The following SGCZ variants were observed in gnomAD, a reference collection of about 807,000 sequenced individuals.
The protein encoded by SGCZ is zeta-sarcoglycan.
A neutral mutation model predicts 41.3 loss-of-function variants in SGCZ; 40 were observed. That is an observed-to-expected ratio of 0.97 (90% CI 0.75 to 1.26). The LOEUF (loss-of-function observed/expected upper bound fraction) is 1.26. Ranked by LOEUF, SGCZ falls within the 50% of genes most tolerant of loss-of-function variation. The pLI is 0.00. For missense variants in SGCZ, 552 were observed against 369.8 expected (o/e 1.49, Z -4.04); for synonymous variants, 206 against 137.5 (o/e 1.50, Z -3.49).
At chr8:14,176,099 TAGG>T (rs1417941897) in intron 4 of SGCZ, among the ~76,000 whole-genome samples, 1 of 152,154 alleles carries the variant, frequency 6.6e-6, no homozygotes, top group African/African-American at 2.4e-5. Flanking sequence ...TGAATCTTAA[TAGG>T]AGATTATAAA....
chr8:15,114,248 C>A (rs1428504375), intron 1 of SGCZ, among the ~76,000 whole-genome samples: 1 of 152,140 alleles, frequency 6.6e-6, no homozygotes, highest in Non-Finnish European at 1.5e-5. Context: ...GAACCCTGTC[C>A]TGGATGCCTT....
intron 1 of SGCZ, among the ~76,000 whole-genome samples, chr8:15,143,353 A>G (rs545281565): frequency 1.3e-5 from 2 of 152,326 alleles, no homozygotes; most frequent in East Asian, 1.9e-4. Flanking sequence ...AAGAATAAAG[A>G]TGTTTCTTCT....
intron 1 of SGCZ, among the ~76,000 whole-genome samples, chr8:14,910,754 G>A (rs892671164): frequency 6.6e-6 from 1 of 151,718 alleles, no homozygotes; most frequent in Non-Finnish European, 1.5e-5. Flanking sequence ...TATGAAAATA[G>A]GAAGACAATG....
intron 1 of SGCZ, among the ~76,000 whole-genome samples, chr8:14,566,277 T>A (rs900949321): frequency 6.6e-6 from 1 of 152,212 alleles, no homozygotes; most frequent in Non-Finnish European, 1.5e-5. Flanking sequence ...TAAGCCCGAA[T>A]ATTGATATAA....
At chr8:14,756,625 C>A (rs894259) in intron 1 of SGCZ, among the ~76,000 whole-genome samples, 87,748 of 152,106 alleles carry the variant, frequency 0.58, 25,542 homozygotes, top group East Asian at 0.71. Flanking sequence ...ACATAACAGG[C>A]GTGCTTCTAA....
intron 2 of SGCZ, among the ~76,000 whole-genome samples, chr8:14,344,269 G>C (rs1802814509): frequency 6.6e-6 from 1 of 151,426 alleles, no homozygotes; most frequent in Non-Finnish European, 1.5e-5. Context: ...AAGAATAATG[G>C]ATACTAAATT....
intron 5 of SGCZ, among the ~76,000 whole-genome samples, chr8:14,115,843 C>T (rs556824513): frequency 2.1e-3 from 325 of 151,764 alleles, no homozygotes; most frequent in Middle Eastern, 6.8e-3. Context: ...TATCTTTTTT[C>T]CTTATTTTAT....
intron 4 of SGCZ, among the ~76,000 whole-genome samples, chr8:14,234,128 G>A (rs1381849042): frequency 2.0e-5 from 3 of 151,692 alleles, no homozygotes; most frequent in Non-Finnish European, 4.4e-5. Flanking sequence ...GAAAATATCT[G>A]TCAAATTGAT....
chr8:15,017,306 T>C (rs1359718911), intron 1 of SGCZ, among the ~76,000 whole-genome samples: 1 of 152,148 alleles, frequency 6.6e-6, no homozygotes, highest in Non-Finnish European at 1.5e-5. Flanking sequence ...AGGCAAATAG[T>C]CAACAGAGGG....
At chr8:14,425,608 G>T (rs1054048124) in intron 2 of SGCZ, among the ~76,000 whole-genome samples, 1 of 150,118 alleles carries the variant, frequency 6.7e-6, no homozygotes. Context: ...TTGACAGAGG[G>T]AGAATCCCTC....
chr8:14,365,116 T>C (rs1016063466), intron 2 of SGCZ, among the ~76,000 whole-genome samples: 1 of 152,074 alleles, frequency 6.6e-6, no homozygotes, highest in South Asian at 2.1e-4. Context: ...ACTTTTGTCA[T>C]ATATGTTATT....
At chr8:15,004,240 G>C (rs1802522283) in intron 1 of SGCZ, among the ~76,000 whole-genome samples, 1 of 152,134 alleles carries the variant, frequency 6.6e-6, no homozygotes, top group Non-Finnish European at 1.5e-5. Context: ...ACCAAGTATA[G>C]ATTTGACTGC....
chr8:14,247,970 A>G (rs1437048632), intron 3 of SGCZ, among the ~76,000 whole-genome samples: 1 of 152,260 alleles, frequency 6.6e-6, no homozygotes, highest in Non-Finnish European at 1.5e-5. Flanking sequence ...GACAATCTGC[A>G]GATTTAAAGC....
intron 5 of SGCZ, among the ~76,000 whole-genome samples, chr8:14,108,859 A>G (rs1350305991): frequency 1.3e-5 from 2 of 152,218 alleles, no homozygotes; most frequent in Non-Finnish European, 2.9e-5. Flanking sequence ...CTCTCTTTAA[A>G]GAACAAAAGC....
chr8:14,394,143 CTTTTTTTTTTTTTTT>C (rs75054512), intron 2 of SGCZ, among the ~76,000 whole-genome samples: 8 of 117,402 alleles, frequency 6.8e-5, no homozygotes, highest in Admixed American at 1.0e-4. Context: ...CGCCCCCCAC[CTTTTTTTTTTTTTTT>C]TTTTTTTTTT....
chr8:14,640,965 T>C (rs2117427832), intron 1 of SGCZ, among the ~76,000 whole-genome samples: 1 of 151,840 alleles, frequency 6.6e-6, no homozygotes, highest in African/African-American at 2.4e-5. Context: ...GCTATAAAGT[T>C]AATGTTGGTA....
Position 14,261,637 on chromosome 8 carries a change from T to C in SGCZ, c.337-23958A>G, listed in dbSNP as rs549659769. Among the ~76,000 whole-genome samples the C allele has an allele frequency of 3.9e-5, 6 of 152,298 alleles. No homozygotes were observed. The South Asian group carries it at 1.2e-3, about 32-fold the overall frequency. The stretch of plus-strand genomic sequence containing the variant: ...TGTTTATAGTTATTCTTAAATTTAC[T>C]TGTCAATAATTTGACCAAAGAGTAA... On this transcript the variant is annotated intron_variant, in intron 3 of 7. Coordinates refer to ENST00000382080, the MANE Select transcript of SGCZ (RefSeq NM_139167.4).
chr8:14,909,901 C>G (rs946962731), intron 1 of SGCZ, among the ~76,000 whole-genome samples: 2 of 152,070 alleles, frequency 1.3e-5, no homozygotes, highest in African/African-American at 4.8e-5. Context: ...ATATTTTGCA[C>G]AGCATATTTC....
At chr8:14,915,182 T>C (rs1472027078) in intron 1 of SGCZ, among the ~76,000 whole-genome samples, 1 of 152,192 alleles carries the variant, frequency 6.6e-6, no homozygotes, top group Admixed American at 6.6e-5. Flanking sequence ...TGCATTTAGA[T>C]AAATAACAAT....
Sources: allele counts gnomAD v4.1 joint callset (sites outside exome capture counted in the v4.1 genomes callset), GRCh38; gene constraint gnomAD v4.1.1; transcripts MANE v1.5; gene names NCBI Gene and HGNC (gene_info 2026-07-23, HGNC 2026-07-21).